The following ACTN4 variants were observed in gnomAD, a reference collection of about 807,000 sequenced individuals.
The protein encoded by ACTN4 is alpha-actinin-4.
ACTN4 carries 18 observed loss-of-function variants against 114.2 expected under a neutral mutation model. The observed-to-expected ratio is 0.16, with a 90% confidence interval of 0.11 to 0.23. The LOEUF (loss-of-function observed/expected upper bound fraction) is 0.23. ACTN4 is among the 10% of genes least tolerant of loss of function. ACTN4 has a pLI of 1.00. For synonymous variants in ACTN4, 515 were observed against 506.3 expected, an observed-to-expected ratio of 1.02 and a Z score of -0.23; for missense variants, 722 against 1,262.9, an observed-to-expected ratio of 0.57 and a Z score of 6.49.
Position 38,708,699 on chromosome 19 carries a change from C to A in ACTN4, c.651+504C>A, listed in dbSNP as rs115898643. Among the ~76,000 whole-genome samples the A allele has an allele frequency of 3.9e-5, 6 of 152,308 alleles. No individual in the cohort carries two copies. In the South Asian group the frequency reaches 1.0e-3, roughly 26 times the overall value. The stretch of plus-strand genomic sequence containing the variant: ...TCCAAAGCAAAGCACCACACCAGGC[C>A]GTGTACATGTGCTCAGGCTGAATGG... On this transcript the variant is annotated intron_variant, in intron 6 of 20. Transcript: ENST00000252699.
Position 38,718,063 on chromosome 19 carries a change from C to G in ACTN4, c.1280C>G (p.Ala427Gly). 1 of 1,608,910 alleles carries G rather than the reference C, an allele frequency of 6.2e-7. No homozygotes were observed. Among genetic ancestry groups the G allele is most frequent in the Non-Finnish European group, 8.5e-7 (1 of 1,177,794 alleles). The stretch of plus-strand genomic sequence containing the variant: ...CGGCAGAAGGCCTCCATCCACGAGG[C>G]CTGGACTGACGGTACGGCCCAGCTC... The part of the protein sequence containing the change: ...KFRQKASIHE[A>G]WTDGKEAMLK... Residue 427 changes from alanine to glycine, a missense_variant, in exon 11 of 21, where the codon GCC (alanine) becomes GGC (glycine). Around this residue, in one of 3 missense-constraint regions of ACTN4, gnomAD observed 523 missense variants for 875.9 expected, o/e 0.60. Transcript: ENST00000252699.
chr19:38,716,999 G>C, intron 9 of ACTN4, 87 bp from the exon 10 acceptor site: 1 of 1,417,138 alleles, frequency 7.1e-7, no homozygotes, highest in Non-Finnish European at 9.7e-7. Flanking sequence ...CAAAGATCCA[G>C]ATCCCATGTG....
chr19:38,710,678 C>A (rs1245132605), intron 8 of ACTN4, among the ~76,000 whole-genome samples: 1 of 152,118 alleles, frequency 6.6e-6, no homozygotes, highest in Non-Finnish European at 1.5e-5. Context: ...AGATGGGGGA[C>A]AGAGATGGCT....
At chr19:38,660,234 G>A (rs946255485) in intron 1 of ACTN4, among the ~76,000 whole-genome samples, 3 of 151,968 alleles carry the variant, frequency 2.0e-5, no homozygotes, top group African/African-American at 7.2e-5. Context: ...ATTTCTACAC[G>A]TTCTTGATCT....
rs866828435 is a variant in ACTN4 at position 38,731,134 on chromosome 19, A to G, written c.*1702A>G. ...AAGATGCAGGTGAGGTGGGCCACAC[A>G]GGACACGAACCGCTCGAAGTCCACA... is the stretch of plus-strand genomic sequence containing the variant. On this transcript the variant is annotated 3_prime_UTR_variant, in exon 21 of 21. Coordinates refer to ENST00000252699, the MANE Select transcript of ACTN4 (RefSeq NM_004924.6). The G allele has an allele frequency of 2.5e-6, 4 of 1,612,654 alleles. No homozygotes were observed. In the African/African-American group the frequency reaches 5.3e-5, roughly 22 times the overall value.
At position 38,727,011 on chromosome 19, in the gene ACTN4, G is replaced by A. The variant is rs1172790414; in HGVS notation, c.2245G>A (p.Glu749Lys). 5 of 1,614,146 alleles carry A rather than the reference G, an allele frequency of 3.1e-6. No individual in the cohort carries two copies. Among genetic ancestry groups the A allele is most frequent in the South Asian group, 1.1e-5 (1 of 91,086 alleles). ...LLTTIARTINEVENQILTRDA... is the reference protein window; with the variant it reads ...LLTTIARTINKVENQILTRDA... ...CACCACCATTGCCCGCACCATCAACGAGGTGGAGAACCAGATCCTCACCCG... is the reference window on the plus strand; with the variant it reads ...CACCACCATTGCCCGCACCATCAACAAGGTGGAGAACCAGATCCTCACCCG... Residue 749 changes from glutamate (E) to lysine (K), a missense_variant, in exon 18 of 21, where the codon GAG becomes AAG. Physicochemically the swap from Glu to Lys is moderately conservative, Grantham distance 56. This residue lies in a region of ACTN4 where 523 missense variants were observed against 875.9 expected (regional missense o/e 0.60). Coordinates refer to ENST00000252699, the MANE Select transcript of ACTN4 (RefSeq NM_004924.6). The surrounding 1 kb of genome is among the most constrained non-coding windows in gnomAD (Gnocchi z 5.4).
chr19:38,688,572 AAAT>A (rs1307748439), intron 1 of ACTN4, among the ~76,000 whole-genome samples: 1 of 151,796 alleles, frequency 6.6e-6, no homozygotes, highest in East Asian at 1.9e-4. Context: ...CCCTGTCTCT[AAAT>A]AATAATAAAA....
Position 38,730,940 on chromosome 19 carries a change from ACCCTGT to A in ACTN4, c.*1513_*1518del. ...GAGCTCGCAGGACAGAGCCTGAGCC[ACCCTGT>A]CCCTCCCACCTGGCTCACCTGTCTG... On this transcript the variant is annotated 3_prime_UTR_variant, in exon 21 of 21. Coordinates refer to ENST00000252699, the MANE Select transcript of ACTN4 (RefSeq NM_004924.6). The A allele has an allele frequency of 6.5e-7, 1 of 1,550,304 alleles. No homozygotes were observed. The highest frequency in any genetic ancestry group is 8.7e-7 in the Non-Finnish European group (1 of 1,146,994).
chr19:38,701,111 C>CGGGGCAGAAGGTGAGCTGGAGGT lies in ACTN4; in HGVS notation c.395_397+20dup, dbSNP rs756531604. 2.5e-6 allele frequency: 4 copies of CGGGGCAGAAGGTGAGCTGGAGGT among 1,614,018 alleles called. No individual in the cohort carries two copies. Among genetic ancestry groups the CGGGGCAGAAGGTGAGCTGGAGGT allele is most frequent in the Admixed American group, 3.3e-5 (2 of 60,026 alleles). On this transcript the variant is annotated frameshift_variant, in exon 3 of 21. Transcript: ENST00000252699. LOFTEE classifies it high-confidence loss of function. ...GCAAAGGCGTCAAGCTGGTCTCCAT[C>CGGGGCAGAAGGTGAGCTGGAGGT]GGGGCAGAAGGTGAGCTGGAGGTGG...
At chr19:38,688,433 T>G (rs538799412) in intron 1 of ACTN4, among the ~76,000 whole-genome samples, 20 of 136,878 alleles carry the variant, frequency 1.5e-4, no homozygotes, top group African/African-American at 5.2e-4. Flanking sequence ...TAGCTGGACA[T>G]GGTGGTGGGC....
intron 3 of ACTN4, among the ~76,000 whole-genome samples, chr19:38,703,490 T>C (rs1450379303): frequency 1.3e-5 from 2 of 152,136 alleles, no homozygotes; most frequent in Non-Finnish European, 2.9e-5. Flanking sequence ...CACACCTGCC[T>C]CAGCCTCCCA....
At position 38,670,747 on chromosome 19, in the gene ACTN4, AC is replaced by A. The variant is rs375092890; in HGVS notation, c.162+22844del. 1.3e-3 allele frequency among the ~76,000 whole-genome samples: 196 copies of A among 152,052 alleles called. 4 individuals are homozygous for A. The South Asian group carries it at 0.027, about 21-fold the overall frequency. ...AGACCATCCTGGCCAACATGGTGAA[AC>A]CCCATCTCTACTAAAAATACAAAAA... is the stretch of plus-strand genomic sequence containing the variant. On this transcript the variant is annotated intron_variant, in intron 1 of 20. Coordinates refer to ENST00000252699, the MANE Select transcript of ACTN4 (RefSeq NM_004924.6).
chr19:38,705,121 T>G (rs1053849779), intron 4 of ACTN4, 101 bp downstream of exon 4: 14 of 1,158,400 alleles, frequency 1.2e-5, no homozygotes, highest in Non-Finnish European at 1.7e-5. Flanking sequence ...TCCTGTTTCC[T>G]TGGGGTCACT....
intron 9 of ACTN4, among the ~76,000 whole-genome samples, chr19:38,716,487 C>T (rs931697159): frequency 6.6e-6 from 1 of 152,128 alleles, no homozygotes; most frequent in Non-Finnish European, 1.5e-5. Flanking sequence ...ACCTTTTTGG[C>T]GGGGGCATGG....
intron 1 of ACTN4, among the ~76,000 whole-genome samples, chr19:38,654,725 G>A (rs567818928): frequency 4.1e-4 from 63 of 152,092 alleles, no homozygotes; most frequent in African/African-American, 1.4e-3. Context: ...CCTTTTTTTG[G>A]TTGTGTTTTT....
rs1968775935 is a variant in ACTN4 at position 38,714,526 on chromosome 19, C to T, written c.877C>T (p.His293Tyr). 1.2e-6 allele frequency: 2 copies of T among 1,613,964 alleles called. No individual in the cohort carries two copies. Among genetic ancestry groups the T allele is most frequent in the Non-Finnish European group, 1.7e-6 (2 of 1,180,032 alleles). Residue 293 changes from histidine to tyrosine, a missense_variant, in exon 9 of 21, where the codon CAC (histidine) becomes TAC (tyrosine). By Grantham distance (83) the His-to-Tyr change is moderately conservative. This residue lies in a region of ACTN4 where 523 missense variants were observed against 875.9 expected (regional missense o/e 0.60). Coordinates refer to ENST00000252699, the MANE Select transcript of ACTN4 (RefSeq NM_004924.6). ...GCTGGCTGTCAACCAAGAGAACGAGCACCTGATGGAGGACTACGAGAAGCT... is the reference window on the plus strand; with the variant it reads ...GCTGGCTGTCAACCAAGAGAACGAGTACCTGATGGAGGACTACGAGAAGCT... ...KVLAVNQENE[H>Y]LMEDYEKLAS...
intron 1 of ACTN4, among the ~76,000 whole-genome samples, chr19:38,654,519 G>A (rs1976656712): frequency 6.8e-6 from 1 of 147,210 alleles, no homozygotes; most frequent in Non-Finnish European, 1.5e-5. Flanking sequence ...CTGAGATCAC[G>A]CCACTGCACT....
At chr19:38,672,310 G>A (rs1255392761) in intron 1 of ACTN4, among the ~76,000 whole-genome samples, 6 of 142,670 alleles carry the variant, frequency 4.2e-5, no homozygotes, top group Admixed American at 7.7e-5. Flanking sequence ...GCGTGATATC[G>A]GCTTACTGCA....
chr19:38,724,304 G>T lies in ACTN4; in HGVS notation c.1840G>T (p.Val614Phe). ...KLSGSNPYTT[V>F]TPQIINSKWE... ...GTCGGGCAGCAACCCCTACACCACC[G>T]TCACCCCGCAAATCATCAACTCCAA... Residue 614 changes from valine (V) to phenylalanine (F), a missense_variant, in exon 15 of 21, where the codon GTC becomes TTC. Physicochemically the swap from Val to Phe is conservative, Grantham distance 50 (BLOSUM62 -1). This residue lies in a region of ACTN4 where 523 missense variants were observed against 875.9 expected (regional missense o/e 0.60). Transcript: ENST00000252699. This position sits in a 1 kb window ranked among gnomAD's most constrained non-coding sequence, Gnocchi z 7.0. The T allele has an allele frequency of 1.2e-6, 2 of 1,613,756 alleles. No homozygotes were observed. Among genetic ancestry groups the T allele is most frequent in the Non-Finnish European group, 1.7e-6 (2 of 1,180,022 alleles).
Sources: gnomAD v4.1 joint callset for allele counts (sites outside exome capture counted in the v4.1 genomes callset) on GRCh38, gnomAD v4.1.1 for gene constraint, gnomAD v4.1.1 regional missense constraint, Gnocchi (gnomAD v3.1) non-coding constraint, MANE v1.5 for transcripts, NCBI Gene and HGNC (gene_info 2026-07-23, HGNC 2026-07-21) for gene names.